Variants in EYA4 observed in about 807,000 individuals in gnomAD.
The protein encoded by EYA4 is protein phosphatase EYA4.
In EYA4, 31 loss-of-function variants were observed where a neutral mutation model predicts 87.9. The ratio of observed to expected loss-of-function variants is 0.35; its 90% confidence interval spans 0.27 to 0.48. The LOEUF (loss-of-function observed/expected upper bound fraction) is 0.48, where lower values mean the gene tolerates loss of function less well. Ranked by LOEUF, EYA4 falls within the 20% of genes least tolerant of loss-of-function variation. EYA4 has a pLI of 0.99. For missense variants in EYA4, 678 were observed against 761.4 expected (o/e 0.89, Z 1.29); for synonymous variants, 263 against 270.6 (o/e 0.97, Z 0.28).
At chr6:133,295,794 G>A (rs987742466) in intron 2 of EYA4, among the ~76,000 whole-genome samples, 6 of 152,144 alleles carry the variant, frequency 3.9e-5, no homozygotes, top group Non-Finnish European at 8.8e-5. Flanking sequence ...ATTGATGGAT[G>A]TATTAAACAA....
intron 3 of EYA4, among the ~76,000 whole-genome samples, chr6:133,432,103 C>A (rs1791236669): frequency 6.6e-6 from 1 of 151,892 alleles, no homozygotes; most frequent in Non-Finnish European, 1.5e-5. Context: ...GTGCCTCCCA[C>A]CTGGGAAAAA....
At chr6:133,495,549 G>T (rs1797584352) in intron 13 of EYA4, among the ~76,000 whole-genome samples, 1 of 151,914 alleles carries the variant, frequency 6.6e-6, no homozygotes. Flanking sequence ...AGGTGTTTGG[G>T]TTTTTTCTGG....
intron 3 of EYA4, among the ~76,000 whole-genome samples, chr6:133,423,021 A>G (rs966333388): frequency 2.6e-5 from 4 of 152,116 alleles, no homozygotes; most frequent in Non-Finnish European, 5.9e-5. Flanking sequence ...GGCACTTCTC[A>G]TCTCTACTCA....
intron 2 of EYA4, among the ~76,000 whole-genome samples, chr6:133,306,221 C>T (rs964007678): frequency 5.9e-5 from 9 of 152,120 alleles, no homozygotes; most frequent in East Asian, 3.9e-4. Context: ...ATACTTACCG[C>T]GGTAAGTGGC....
Position 133,421,371 on chromosome 6 carries a change from G to A in EYA4, c.84-25259G>A, listed in dbSNP as rs879441860. Among the ~76,000 whole-genome samples the A allele has an allele frequency of 3.3e-5, 5 of 152,260 alleles. No individual in the cohort carries two copies. The East Asian group carries it at 7.7e-4, about 24-fold the overall frequency. The stretch of plus-strand genomic sequence containing the variant: ...CAGCACATTAACTCAAACATGCCAC[G>A]GAGTCTAAATAAATCAAGTAATATC... On this transcript the variant is annotated intron_variant, in intron 3 of 19. Transcript: ENST00000355286.
At chr6:133,490,402 A>AAAC (rs397689166) in intron 13 of EYA4, among the ~76,000 whole-genome samples, 2 of 151,878 alleles carry the variant, frequency 1.3e-5, no homozygotes, top group East Asian at 1.9e-4. Flanking sequence ...ACAAAAAAAA[A>AAAC]CAAAAAACCG....
At chr6:133,273,097 G>GTGTGTATATA (rs142020137) in intron 1 of EYA4, among the ~76,000 whole-genome samples, 1 of 106,638 alleles carries the variant, frequency 9.4e-6, no homozygotes, top group African/African-American at 3.2e-5. Context: ...ATATATATAT[G>GTGTGTATATA]TATATATATA....
At chr6:133,299,790 T>A in intron 2 of EYA4, among the ~76,000 whole-genome samples, 1 of 151,056 alleles carries the variant, frequency 6.6e-6, no homozygotes, top group Non-Finnish European at 1.5e-5. Context: ...CAAGCTAATG[T>A]GATTATCCTT....
chr6:133,330,932 T>A (rs569778673), intron 2 of EYA4, among the ~76,000 whole-genome samples: 16 of 151,946 alleles, frequency 1.1e-4, no homozygotes, highest in African/African-American at 2.9e-4. Flanking sequence ...AATTTTTTTT[T>A]AAAAGTACAT....
rs1327341376 is a variant in EYA4 at position 133,309,152 on chromosome 6, G to T, written c.33+34339G>T. ...TTGTGTATAATTTTGCTATGCTATT[G>T]TCCAATATGATACAGTTTCCTTTAG... On this transcript the variant is annotated intron_variant, in intron 2 of 19. Transcript: ENST00000355286. Among the ~76,000 whole-genome samples the T allele has an allele frequency of 4.6e-5, 7 of 151,904 alleles. 1 individual carries two copies. The East Asian group carries it at 1.4e-3, about 29-fold the overall frequency.
intron 2 of EYA4, among the ~76,000 whole-genome samples, chr6:133,344,107 A>T (rs185598578): frequency 1.1e-3 from 166 of 149,210 alleles, no homozygotes; most frequent in African/African-American, 3.7e-3. Flanking sequence ...GGAGACAGCA[A>T]CCCAGAGCAT....
intron 13 of EYA4, among the ~76,000 whole-genome samples, chr6:133,487,993 G>A (rs1430197017): frequency 6.6e-6 from 1 of 152,162 alleles, no homozygotes; most frequent in Non-Finnish European, 1.5e-5. Context: ...TTAGGTCAGA[G>A]GGGTGCCCAC....
At chr6:133,423,347 C>T (rs1450462841) in intron 3 of EYA4, among the ~76,000 whole-genome samples, 1 of 152,138 alleles carries the variant, frequency 6.6e-6, no homozygotes, top group African/African-American at 2.4e-5. Flanking sequence ...AACACATTTT[C>T]AACTTTACTA....
chr6:133,311,525 C>T (rs1446411649), intron 2 of EYA4, among the ~76,000 whole-genome samples: 1 of 151,934 alleles, frequency 6.6e-6, no homozygotes, highest in African/African-American at 2.4e-5. Context: ...CCCAGTGTTG[C>T]CCAGGCTGGT....
chr6:133,500,231 A>C (rs1306330625), intron 13 of EYA4, among the ~76,000 whole-genome samples: 1 of 151,886 alleles, frequency 6.6e-6, no homozygotes, highest in Non-Finnish European at 1.5e-5. Context: ...AATCCGATTT[A>C]GTTGGTATGG....
chr6:133,341,091 C>G (rs964140864), intron 2 of EYA4, among the ~76,000 whole-genome samples: 1 of 152,136 alleles, frequency 6.6e-6, no homozygotes, highest in Non-Finnish European at 1.5e-5. Flanking sequence ...GACATGAACC[C>G]TGGGTTTGAA....
intron 1 of EYA4, among the ~76,000 whole-genome samples, chr6:133,250,863 CA>C (rs1774839814): frequency 6.6e-6 from 1 of 152,018 alleles, no homozygotes; most frequent in South Asian, 2.1e-4. Flanking sequence ...ATATGAGTAT[CA>C]GTTGTTATTA....
chr6:133,412,037 C>G (rs1272455148), intron 3 of EYA4, among the ~76,000 whole-genome samples: 3 of 152,278 alleles, frequency 2.0e-5, no homozygotes, highest in South Asian at 2.1e-4. Flanking sequence ...TTCCCTTCTT[C>G]AAAGTCATTT....
At chr6:133,528,465 A>C (rs1477991225) in intron 19 of EYA4, among the ~76,000 whole-genome samples, 1 of 152,178 alleles carries the variant, frequency 6.6e-6, no homozygotes, top group Non-Finnish European at 1.5e-5. Flanking sequence ...ATATTAAACT[A>C]TCTAAGAAAT....
Sources: allele counts gnomAD v4.1 joint callset (sites outside exome capture counted in the v4.1 genomes callset), GRCh38; gene constraint gnomAD v4.1.1; transcripts MANE v1.5; gene names NCBI Gene and HGNC (gene_info 2026-07-23, HGNC 2026-07-21).